KIF13A: variants seen among roughly 807,000 people sequenced by gnomAD.
KIF13A encodes kinesin family member 13A.
Under a neutral mutation model 212.2 loss-of-function variants are expected in KIF13A, and 79 were observed. That is an observed-to-expected ratio of 0.37 (90% confidence interval 0.31 to 0.45). The LOEUF is 0.45. KIF13A is among the 20% of genes least tolerant of loss of function. The pLI is 1.00. For missense variants in KIF13A, 1,901 were observed against 2,209.0 expected (o/e 0.86, Z 2.79); for synonymous variants, 789 against 808.6 (o/e 0.98, Z 0.41).
At chr6:17,802,922 T>TG (rs1417268656) in intron 20 of KIF13A, among the ~76,000 whole-genome samples, 4 of 78,844 alleles carry the variant, frequency 5.1e-5, no homozygotes, top group African/African-American at 6.6e-5. Context: ...AATTTTTTTG[T>TG]GTTTTTTTTG....
intron 2 of KIF13A, among the ~76,000 whole-genome samples, chr6:17,936,108 T>A (rs574295118): frequency 6.6e-6 from 1 of 152,300 alleles, no homozygotes; most frequent in East Asian, 1.9e-4. Context: ...TCAGAACAAT[T>A]CATCCAGGGA....
chr6:17,841,094 TTC>T lies in KIF13A; in HGVS notation c.831-3513_831-3512del, dbSNP rs1159184821. 4.7e-3 allele frequency among the ~76,000 whole-genome samples: 646 copies of T among 136,562 alleles called. 3 individuals carry two copies. Among genetic ancestry groups the T allele is most frequent in the East Asian group, 0.019 (94 of 4,940 alleles). 89.6% of individuals were successfully genotyped at this position (136,562 alleles called of 152,430 possible). On this transcript the variant is annotated intron_variant, in intron 9 of 38. Coordinates refer to ENST00000259711, the MANE Select transcript of KIF13A (RefSeq NM_022113.6). ...ACCCCTTTTCCTTTTTTTTTTTTTT[TTC>T]CAAAGACAGGGTCTCACTTTGTTGC...
chr6:17,817,276 A>G, intron 16 of KIF13A, 43 bp from the exon 17 acceptor site: 1 of 1,567,546 alleles, frequency 6.4e-7, no homozygotes. Flanking sequence ...AGTGGCGGCT[A>G]AAACAAGCAT....
rs1156323373 is a variant in KIF13A, at chr6:17,926,200, C to G, written c.147-28020G>C. On this transcript the variant is annotated intron_variant, in intron 2 of 38. Coordinates refer to ENST00000259711, the MANE Select transcript of KIF13A (RefSeq NM_022113.6). This position sits in a 1 kb window ranked among gnomAD's most constrained non-coding sequence, Gnocchi z 4.3. ...ACCAACATTCAGTTCTTGTAAACTTCCACGAATTCCTAAATTTATCTGTCT... is the reference window on the plus strand; with the variant it reads ...ACCAACATTCAGTTCTTGTAAACTTGCACGAATTCCTAAATTTATCTGTCT... Among the ~76,000 whole-genome samples, 2 of 152,098 alleles carry G rather than the reference C, an allele frequency of 1.3e-5. No individual in the cohort carries two copies. The highest frequency in any genetic ancestry group is 2.9e-5 in the Non-Finnish European group (2 of 68,020).
At chr6:17,806,433 A>C (rs1024253278) in intron 18 of KIF13A, among the ~76,000 whole-genome samples, 3 of 152,216 alleles carry the variant, frequency 2.0e-5, no homozygotes, top group Non-Finnish European at 4.4e-5. Context: ...CCAAAGGGGA[A>C]CTACTAGGTC....
chr6:17,776,790 T>C lies in KIF13A; in HGVS notation c.4170+487A>G, dbSNP rs1026113734. The stretch of plus-strand genomic sequence containing the variant: ...CCCTGCTAGGATCAGTTTCTGTCAA[T>C]TGGATTTTCTAGATTAACTGGTTGA... On this transcript the variant is annotated intron_variant, in intron 34 of 38. Coordinates refer to ENST00000259711, the MANE Select transcript of KIF13A (RefSeq NM_022113.6). The surrounding 1 kb of genome is among the most constrained non-coding windows in gnomAD (Gnocchi z 4.6). Among the ~76,000 whole-genome samples the C allele has an allele frequency of 1.3e-5, 2 of 152,142 alleles. No homozygotes were observed. The highest frequency in any genetic ancestry group is 2.9e-5 in the Non-Finnish European group (2 of 68,010).
At chr6:17,958,471 C>T (rs1778539194) in intron 2 of KIF13A, among the ~76,000 whole-genome samples, 1 of 152,152 alleles carries the variant, frequency 6.6e-6, no homozygotes. Context: ...AGTAAAATAT[C>T]TATAAATAGG....
At chr6:17,974,907 T>C (rs1319841021) in intron 2 of KIF13A, among the ~76,000 whole-genome samples, 2 of 152,242 alleles carry the variant, frequency 1.3e-5, no homozygotes, top group Admixed American at 6.5e-5. Context: ...CACATAGGGC[T>C]ACTGGCTACC....
intron 2 of KIF13A, among the ~76,000 whole-genome samples, chr6:17,916,810 A>C (rs1774554879): frequency 1.3e-5 from 2 of 152,330 alleles, no homozygotes; most frequent in South Asian, 4.1e-4. Flanking sequence ...AAGTGGCATT[A>C]AACTTTGCAG....
intron 25 of KIF13A, among the ~76,000 whole-genome samples, chr6:17,791,966 G>C (rs1340590665): frequency 1.3e-5 from 2 of 149,658 alleles, no homozygotes; most frequent in Non-Finnish European, 3.0e-5. Context: ...CACTTTGGGA[G>C]GTCGAGGTGG....
intron 26 of KIF13A, among the ~76,000 whole-genome samples, chr6:17,788,882 G>A (rs571366099): frequency 8.5e-5 from 13 of 152,090 alleles, no homozygotes; most frequent in South Asian, 2.1e-4. Flanking sequence ...GCGCCACCAC[G>A]CCCAGCTAAT....
intron 6 of KIF13A, among the ~76,000 whole-genome samples, chr6:17,852,328 T>A (rs548615020): frequency 6.6e-6 from 1 of 152,082 alleles, no homozygotes; most frequent in African/African-American, 2.4e-5. Context: ...TTGGGGAGGA[T>A]TGGGGGAAAA....
chr6:17,905,593 A>G (rs779734800), intron 2 of KIF13A, among the ~76,000 whole-genome samples: 6 of 152,252 alleles, frequency 3.9e-5, no homozygotes, highest in African/African-American at 7.2e-5. Flanking sequence ...TAAAGTGCAC[A>G]GCAGCTCTCC....
chr6:17,982,038 T>C lies in KIF13A; in HGVS notation c.146+5016A>G, dbSNP rs979260160. On this transcript the variant is annotated intron_variant, in intron 2 of 38. Transcript: ENST00000259711. This position sits in a 1 kb window ranked among gnomAD's most constrained non-coding sequence, Gnocchi z 5.1. ...TAAAATGCTTGGGACCAGAAGTGTT[T>C]TGGATTTTGAATTTTTCTTGAATTT... 2.6e-5 allele frequency among the ~76,000 whole-genome samples: 4 copies of C among 152,110 alleles called. No homozygotes were observed. Among genetic ancestry groups the C allele is most frequent in the Non-Finnish European group, 5.9e-5 (4 of 68,014 alleles).
At position 17,809,098 on chromosome 6, in the gene KIF13A, T is replaced by A. The variant is rs1763218524; in HGVS notation, c.2001-168A>T. Among the ~76,000 whole-genome samples the A allele has an allele frequency of 6.6e-6, 1 of 152,258 alleles. No individual in the cohort carries two copies. ...TTCCCTCCTGCCCACAGATGGGCTATCTGTTGAGAACTACTGATGGGAAGC... is the reference window on the plus strand; with the variant it reads ...TTCCCTCCTGCCCACAGATGGGCTAACTGTTGAGAACTACTGATGGGAAGC... On this transcript the variant is annotated intron_variant, in intron 17 of 38. Coordinates refer to ENST00000259711, the MANE Select transcript of KIF13A (RefSeq NM_022113.6). This position sits in a 1 kb window ranked among gnomAD's most constrained non-coding sequence, Gnocchi z 4.7.
chr6:17,808,068 T>C (rs1440046915), intron 18 of KIF13A, among the ~76,000 whole-genome samples: 1 of 152,174 alleles, frequency 6.6e-6, no homozygotes, highest in Non-Finnish European at 1.5e-5. Context: ...AAGTCTTCCT[T>C]TCTTGTAGAA....
intron 3 of KIF13A, among the ~76,000 whole-genome samples, chr6:17,885,820 C>A (rs943259120): frequency 3.9e-5 from 6 of 152,210 alleles, no homozygotes; most frequent in African/African-American, 7.2e-5. Flanking sequence ...TTCAAATACT[C>A]TACTCATTTC....
Position 17,834,269 on chromosome 6 carries a change from C to T in KIF13A, c.1156-198G>A, listed in dbSNP as rs1310804492. On this transcript the variant is annotated intron_variant, in intron 11 of 38. Transcript: ENST00000259711. The surrounding 1 kb of genome is among the most constrained non-coding windows in gnomAD (Gnocchi z 4.0). ...ATGGCTGTTCCCTGAAAAAGAAATA[C>T]CAGTGTCCTGAATGAAAATGAAACA... Among the ~76,000 whole-genome samples the T allele has an allele frequency of 6.6e-6, 1 of 152,134 alleles. No homozygotes were observed. Among genetic ancestry groups the T allele is most frequent in the Non-Finnish European group, 1.5e-5 (1 of 68,030 alleles).
intron 2 of KIF13A, among the ~76,000 whole-genome samples, chr6:17,924,528 A>G (rs1238965801): frequency 6.6e-6 from 1 of 152,240 alleles, no homozygotes; most frequent in Non-Finnish European, 1.5e-5. Flanking sequence ...CTCAACTAAT[A>G]GGACTCGCAG....
Sources: allele counts gnomAD v4.1 joint callset (sites outside exome capture counted in the v4.1 genomes callset), GRCh38; gene constraint gnomAD v4.1.1; non-coding constraint Gnocchi (gnomAD v3.1); transcripts MANE v1.5; gene names NCBI Gene and HGNC (gene_info 2026-07-23, HGNC 2026-07-21).